The following CCDC38 variants were observed in gnomAD, a reference collection of about 807,000 sequenced individuals.
CCDC38 encodes the protein coiled-coil domain-containing protein 38.
In CCDC38, 69 loss-of-function variants were observed where a neutral mutation model predicts 72.8. That is an observed-to-expected ratio of 0.95 (90% confidence interval 0.78 to 1.16). CCDC38 has a LOEUF of 1.16. Ranked by LOEUF, CCDC38 falls within the 50% of genes most tolerant of loss-of-function variation. The pLI is 0.00. For synonymous variants in CCDC38, 201 were observed against 213.2 expected (o/e 0.94, Z 0.50); for missense variants, 626 against 638.9 (o/e 0.98, Z 0.22).
chr12:95,909,486 G>A (rs768499437), intron 4 of CCDC38, among the ~76,000 whole-genome samples: 2 of 152,162 alleles, frequency 1.3e-5, no homozygotes, highest in Non-Finnish European at 2.9e-5. Flanking sequence ...AGAAAGGCTA[G>A]TACCAATCCT....
intron 2 of CCDC38, among the ~76,000 whole-genome samples, chr12:95,932,373 T>A (rs542441636): frequency 1.3e-5 from 2 of 152,274 alleles, no homozygotes; most frequent in Non-Finnish European, 2.9e-5. Flanking sequence ...CTTCCTTCTT[T>A]CCCTCCTTTC....
intron 2 of CCDC38, among the ~76,000 whole-genome samples, chr12:95,927,943 C>T (rs1162974896): frequency 6.7e-6 from 1 of 149,854 alleles, no homozygotes; most frequent in Admixed American, 6.7e-5. Context: ...TGTGGGTAAC[C>T]CGACCTTTCT....
At chr12:95,933,080 A>G (rs572658686) in intron 2 of CCDC38, 1 of 152,350 alleles carries the variant, frequency 6.6e-6, no homozygotes, top group Non-Finnish European at 1.5e-5. Context: ...TTGTCCCCCA[A>G]AAACCTTTAA....
At chr12:95,881,076 A>G (rs1288817396) in intron 11 of CCDC38, among the ~76,000 whole-genome samples, 4 of 152,046 alleles carry the variant, frequency 2.6e-5, no homozygotes, top group Admixed American at 2.6e-4. Context: ...CTGTGGTTGC[A>G]TTTCGGGTGG....
At chr12:95,874,111 C>G (rs2079610618) in intron 13 of CCDC38, among the ~76,000 whole-genome samples, 1 of 152,118 alleles carries the variant, frequency 6.6e-6, no homozygotes, top group Admixed American at 6.5e-5. Flanking sequence ...TTTTTCTAAA[C>G]CTTGGAGACA....
chr12:95,883,099 T>C (rs892531377), intron 10 of CCDC38, among the ~76,000 whole-genome samples: 8 of 152,206 alleles, frequency 5.3e-5, no homozygotes, highest in African/African-American at 1.9e-4. Context: ...TCCCTATGTC[T>C]CTCACAGCCT....
chr12:95,930,939 C>G (rs1438014592), intron 2 of CCDC38, among the ~76,000 whole-genome samples: 2 of 150,110 alleles, frequency 1.3e-5, no homozygotes, highest in African/African-American at 4.9e-5. Flanking sequence ...ATATTCTTCT[C>G]TAAGCTGCCT....
rs2079920094 is a variant in CCDC38 at position 95,898,732 on chromosome 12, C to T, written c.370-1G>A. On this transcript the variant is annotated splice_acceptor_variant, in intron 5 of 15. Transcript: ENST00000344280. LOFTEE classifies it high-confidence loss of function. ...TGTTTCTTTTGGTTGACAAAGCATACTAGGGGCATTGAAGACAGAGGTGTA... is the reference window on the plus strand; with the variant it reads ...TGTTTCTTTTGGTTGACAAAGCATATTAGGGGCATTGAAGACAGAGGTGTA... The T allele has an allele frequency of 1.2e-6, 2 of 1,612,724 alleles. No individual in the cohort carries two copies. Among genetic ancestry groups the T allele is most frequent in the Non-Finnish European group, 1.7e-6 (2 of 1,179,698 alleles).
intron 14 of CCDC38, among the ~76,000 whole-genome samples, chr12:95,870,587 A>C (rs1336415240): frequency 1.3e-5 from 2 of 152,218 alleles, no homozygotes; most frequent in Non-Finnish European, 2.9e-5. Flanking sequence ...ATCACTGCTA[A>C]AAATGAGTTG....
chr12:95,938,227 C>T (rs914626783), intron 1 of CCDC38, among the ~76,000 whole-genome samples: 2 of 151,986 alleles, frequency 1.3e-5, no homozygotes, highest in African/African-American at 4.8e-5. Flanking sequence ...TTCATTCTCA[C>T]GGGGGAAAAG....
intron 1 of CCDC38, among the ~76,000 whole-genome samples, chr12:95,939,925 C>T (rs1237568308): frequency 1.3e-5 from 2 of 152,140 alleles, no homozygotes; most frequent in African/African-American, 2.4e-5. Context: ...CTGCCTCTGA[C>T]TCTTATCCAC....
chr12:95,936,552 T>A (rs774917084), intron 1 of CCDC38, 29 bp from the exon 2 acceptor site: 16 of 1,591,504 alleles, frequency 1.0e-5, no homozygotes, highest in Non-Finnish European at 1.3e-5. Context: ...ATACGTTTTT[T>A]AAAAATTCTA....
intron 2 of CCDC38, among the ~76,000 whole-genome samples, chr12:95,923,754 C>T (rs2080235727): frequency 6.6e-6 from 1 of 151,464 alleles, no homozygotes; most frequent in Non-Finnish European, 1.5e-5. Flanking sequence ...CATGTGTTCT[C>T]ATTGTTCAAT....
At chr12:95,929,268 A>T (rs2080309853) in intron 2 of CCDC38, among the ~76,000 whole-genome samples, 1 of 152,116 alleles carries the variant, frequency 6.6e-6, no homozygotes, top group African/African-American at 2.4e-5. Context: ...CCCATGGGAA[A>T]AGCGCAGTAT....
In CCDC38 at chr12:95,896,005, G is replaced by A. The variant is rs2079883911; in HGVS notation, c.615-859C>T. On this transcript the variant is annotated intron_variant, in intron 7 of 15. Transcript: ENST00000344280. ...TGGGAGGTAGAGGTTGCAGTGAGCT[G>A]AGATCACGTCACTGCACTCCAGCCT... 1.4e-5 allele frequency among the ~76,000 whole-genome samples: 2 copies of A among 144,668 alleles called. 1 individual carries two copies. Among genetic ancestry groups the A allele is most frequent in the Non-Finnish European group, 3.0e-5 (2 of 67,018 alleles). The allele number at this position is 144,668 out of a possible 152,430, so 94.9% of individuals were successfully genotyped here.
Position 95,890,855 on chromosome 12 carries a change from G to C in CCDC38, c.848C>G (p.Ala283Gly). The C allele has an allele frequency of 6.2e-7, 1 of 1,603,600 alleles. No homozygotes were observed. Among genetic ancestry groups the C allele is most frequent in the South Asian group, 1.1e-5 (1 of 89,736 alleles). Residue 283 changes from alanine to glycine, a missense_variant, in exon 9 of 16, where the codon GCT becomes GGT. Ala to Gly is a moderately conservative substitution (Grantham distance 60). Transcript: ENST00000344280. ...ACCTTGGCTGTCTCTTCCCTGAGAA[G>C]CATCTTCTGAAAGGACAGCTGTCCT... The part of the protein sequence containing the change: ...SGRTAVLSED[A>G]SQGRDSQGKP...
intron 1 of CCDC38, among the ~76,000 whole-genome samples, chr12:95,941,789 G>GCA (rs1011932227): frequency 2.0e-5 from 3 of 151,670 alleles, no homozygotes; most frequent in Non-Finnish European, 2.9e-5. Flanking sequence ...TAAAAGCTAT[G>GCA]CACACACACA....
chr12:95,930,717 G>T (rs2080328668), intron 2 of CCDC38, among the ~76,000 whole-genome samples: 2 of 152,046 alleles, frequency 1.3e-5, no homozygotes, highest in Non-Finnish European at 2.9e-5. Context: ...TACCTGCAAT[G>T]TACATCAAAT....
chr12:95,886,718 C>T (rs530863960), intron 10 of CCDC38, among the ~76,000 whole-genome samples: 1 of 152,296 alleles, frequency 6.6e-6, no homozygotes, highest in East Asian at 1.9e-4. Context: ...AGATGCGCAA[C>T]ATCATTAGCT....
Sources: allele counts gnomAD v4.1 joint callset (sites outside exome capture counted in the v4.1 genomes callset), GRCh38; gene constraint gnomAD v4.1.1; transcripts MANE v1.5; gene names NCBI Gene and HGNC (gene_info 2026-07-23, HGNC 2026-07-21).